STK3: variants seen among roughly 807,000 people sequenced by gnomAD.
The protein encoded by STK3 is serine/threonine-protein kinase 3.
STK3 carries 41 observed loss-of-function variants against 58.0 expected under a neutral mutation model. The ratio of observed to expected loss-of-function variants is 0.71; its 90% CI spans 0.55 to 0.92. The LOEUF (loss-of-function observed/expected upper bound fraction) is 0.92, where lower values mean the gene tolerates loss of function less well. STK3 is among the 40% of genes least tolerant of loss of function. STK3 has a pLI of 0.00. For synonymous variants in STK3, 170 were observed against 191.0 expected (o/e 0.89, Z 0.91); for missense variants, 479 against 602.7 (o/e 0.79, Z 2.15).
intron 3 of STK3, among the ~76,000 whole-genome samples, chr8:98,840,978 T>G (rs1835958706): frequency 6.6e-6 from 1 of 152,180 alleles, no homozygotes; most frequent in Non-Finnish European, 1.5e-5. Context: ...GGTGCTGAAC[T>G]CAAGACTTCT....
the STK3 span, among the ~76,000 whole-genome samples, chr8:98,361,589 A>G: frequency 6.6e-6 from 1 of 152,336 alleles, no homozygotes. Flanking sequence ...TGATCTTAAC[A>G]AAAAGGATGG....
At chr8:98,886,197 ACAC>A in intron 1 of STK3, among the ~76,000 whole-genome samples, 1 of 152,232 alleles carries the variant, frequency 6.6e-6, no homozygotes, top group African/African-American at 2.4e-5. Flanking sequence ...ACACACACAC[ACAC>A]AACTACATCT....
chr8:98,694,723 G>A (rs1353799243), intron 6 of STK3, among the ~76,000 whole-genome samples: 2 of 152,090 alleles, frequency 1.3e-5, no homozygotes, highest in Non-Finnish European at 2.9e-5. Context: ...GTGTATATGT[G>A]CCACATTTTC....
chr8:98,494,017 A>G (rs1822918623), intron 10 of STK3, among the ~76,000 whole-genome samples: 1 of 152,194 alleles, frequency 6.6e-6, no homozygotes, highest in African/African-American at 2.4e-5. Context: ...GGACTATGTC[A>G]TATTGCAACA....
At chr8:98,784,133 G>A (rs1832302312) in intron 1 of STK3, among the ~76,000 whole-genome samples, 1 of 152,228 alleles carries the variant, frequency 6.6e-6, no homozygotes, top group African/African-American at 2.4e-5. Context: ...GATGCTGTGA[G>A]GGACAGACAC....
chr8:98,745,096 C>A (rs951301831), intron 4 of STK3, among the ~76,000 whole-genome samples: 1 of 152,120 alleles, frequency 6.6e-6, no homozygotes, highest in Non-Finnish European at 1.5e-5. Context: ...ATAGACAACC[C>A]CTCATAAAGA....
downstream of STK3, among the ~76,000 whole-genome samples, chr8:98,368,837 G>A (rs1161432325): frequency 6.6e-6 from 1 of 152,128 alleles, no homozygotes; most frequent in Admixed American, 6.5e-5. Context: ...AGGCCTTCTC[G>A]GAACATTGAG....
At chr8:98,685,652 T>C (rs572515810) in intron 6 of STK3, among the ~76,000 whole-genome samples, 31 of 152,182 alleles carry the variant, frequency 2.0e-4, no homozygotes, top group Non-Finnish European at 3.8e-4. Context: ...TTGGAAGCAG[T>C]ACTGAAATTC....
chr8:98,471,343 G>T (rs528893277), intron 10 of STK3, among the ~76,000 whole-genome samples: 3 of 149,414 alleles, frequency 2.0e-5, no homozygotes, highest in East Asian at 2.0e-4. Flanking sequence ...AAGAGGCCTG[G>T]TTTTTTTCCT....
intron 1 of STK3, among the ~76,000 whole-genome samples, chr8:98,779,767 T>C (rs577743189): frequency 6.6e-6 from 1 of 152,292 alleles, no homozygotes; most frequent in East Asian, 1.9e-4. Context: ...TCCTATTCAA[T>C]TACAGAGATA....
upstream of STK3, among the ~76,000 whole-genome samples, chr8:98,830,341 T>A (rs1229837994): frequency 6.6e-6 from 1 of 152,152 alleles, no homozygotes. Context: ...GCCAGAGCCA[T>A]GCAGATAGCA....
intron 3 of STK3, among the ~76,000 whole-genome samples, chr8:98,860,963 GTT>G (rs1836913365): frequency 1.3e-5 from 2 of 152,156 alleles, no homozygotes; most frequent in Admixed American, 1.3e-4. Flanking sequence ...GGGAGGCTGA[GTT>G]GGGAGGATTG....
At chr8:98,677,653 T>A (rs1392229001) in intron 6 of STK3, among the ~76,000 whole-genome samples, 2 of 151,934 alleles carry the variant, frequency 1.3e-5, no homozygotes, top group African/African-American at 4.8e-5. Context: ...TTAAAACTAT[T>A]TTCTCCCTTG....
At chr8:98,689,085 A>G (rs1362343710) in intron 6 of STK3, among the ~76,000 whole-genome samples, 1 of 152,204 alleles carries the variant, frequency 6.6e-6, no homozygotes, top group Admixed American at 6.5e-5. Context: ...ATCACAACGA[A>G]GCCCACAGAA....
intron 1 of STK3, among the ~76,000 whole-genome samples, chr8:98,903,535 CTTCTTCTTCTTCTTCTTCTTCCT>C (rs1564093465): frequency 1.3e-4 from 4 of 29,632 alleles, no homozygotes; most frequent in African/African-American, 2.0e-4. Flanking sequence ...TCTTCTTCTT[CTTCTTCTTCTTCTTCTTCTTCCT>C]TTTTTTTTTT....
chr8:98,515,794 A>T (rs1052085507), intron 10 of STK3, among the ~76,000 whole-genome samples: 1 of 151,516 alleles, frequency 6.6e-6, no homozygotes, highest in Non-Finnish European at 1.5e-5. Flanking sequence ...CTTTTTTAAA[A>T]TTTTATTATT....
At chr8:98,412,101 C>A (rs899366685) in intron 3 of STK3, among the ~76,000 whole-genome samples, 6 of 152,224 alleles carry the variant, frequency 3.9e-5, no homozygotes, top group Non-Finnish European at 5.9e-5. Context: ...AAGTGCTTCT[C>A]ATTATCCAAG....
At chr8:98,407,950 C>G (rs1250316276) in intron 3 of STK3, among the ~76,000 whole-genome samples, 2 of 152,206 alleles carry the variant, frequency 1.3e-5, no homozygotes, top group South Asian at 2.1e-4. Flanking sequence ...TGTGCTGGCA[C>G]CTGCATATCC....
At chr8:98,358,156 A>G in the STK3 span, among the ~76,000 whole-genome samples, 1 of 152,298 alleles carries the variant, frequency 6.6e-6, no homozygotes, top group Admixed American at 6.5e-5. Context: ...TTAAAAGTGC[A>G]CACCCCAAGA....
Sources: gnomAD v4.1 joint callset for allele counts (sites outside exome capture counted in the v4.1 genomes callset) on GRCh38, gnomAD v4.1.1 for gene constraint, MANE v1.5 for transcripts, NCBI Gene and HGNC (gene_info 2026-07-23, HGNC 2026-07-21) for gene names.